Variants in MTA3 observed in about 807,000 individuals in gnomAD.
The protein encoded by MTA3 is metastasis-associated protein MTA3.
A neutral mutation model predicts 83.5 loss-of-function variants in MTA3; 34 were observed. That is an observed-to-expected ratio of 0.41 (90% CI 0.31 to 0.54). The LOEUF (loss-of-function observed/expected upper bound fraction) is 0.54, where lower values mean the gene tolerates loss of function less well. Among genes scored for constraint, MTA3 ranks in the 20% least tolerant of loss-of-function variants. The pLI is 0.33. For synonymous variants in MTA3, 303 were observed against 252.7 expected (o/e 1.20, Z -1.89); for missense variants, 761 against 726.4 (o/e 1.05, Z -0.55).
At chr2:42,649,265 C>T (rs1034058891) in intron 6 of MTA3, among the ~76,000 whole-genome samples, 2 of 151,950 alleles carry the variant, frequency 1.3e-5, no homozygotes, top group African/African-American at 2.4e-5. Context: ...AGTGTGGTGG[C>T]GGGTGCCTGT....
At chr2:42,515,521 G>T (rs188086141) in intron 2 of MTA3, among the ~76,000 whole-genome samples, 49 of 151,436 alleles carry the variant, frequency 3.2e-4, no homozygotes, top group Admixed American at 3.2e-3. Flanking sequence ...TTATTTTTTT[G>T]AGATGGATTC....
chr2:42,594,728 A>ATATATATATATATATATATATATATTTT, intron 3 of MTA3, among the ~76,000 whole-genome samples: 2 of 24,044 alleles, frequency 8.3e-5, no homozygotes, highest in Admixed American at 8.8e-4. Flanking sequence ...ATATATATAT[A>ATATATATATATATATATATATATATTTT]TTTTTTTTTT....
chr2:42,510,478 C>T (rs1232049796), intron 2 of MTA3, among the ~76,000 whole-genome samples: 1 of 152,106 alleles, frequency 6.6e-6, no homozygotes, highest in East Asian at 1.9e-4. Context: ...CCTTCTGTCC[C>T]TGGAGGAAGG....
chr2:42,596,889 TCTAA>T (rs1681850821), intron 3 of MTA3, among the ~76,000 whole-genome samples: 1 of 152,110 alleles, frequency 6.6e-6, no homozygotes, highest in Non-Finnish European at 1.5e-5. Flanking sequence ...AAGTAGCTAA[TCTAA>T]AATTTTCCAC....
intron 2 of MTA3, among the ~76,000 whole-genome samples, chr2:42,518,832 G>T (rs1174490843): frequency 6.6e-6 from 1 of 152,044 alleles, no homozygotes; most frequent in Non-Finnish European, 1.5e-5. Flanking sequence ...CAGGCATGGT[G>T]GGGCGAGCCT....
rs1413344612 is a variant in MTA3, at chr2:42,568,732, G to T, written c.-14G>T. ...GCGGGGCTCGGCTCGGGCTCCGCGG[G>T]CGGGCGGGCGGACATGGCGGCCAAC... On this transcript the variant is annotated 5_prime_UTR_variant, in exon 1 of 17. Transcript: ENST00000405094. The T allele has an allele frequency of 1.6e-6, 2 of 1,215,368 alleles. No homozygotes were observed. The highest frequency in any genetic ancestry group is 1.0e-6 in the Non-Finnish European group (1 of 978,354). 75.3% of individuals were successfully genotyped at this position (1,215,368 alleles called of 1,614,324 possible).
At chr2:42,615,682 A>G (rs1177787813) in intron 4 of MTA3, among the ~76,000 whole-genome samples, 1 of 143,344 alleles carries the variant, frequency 7.0e-6, no homozygotes, top group Admixed American at 7.1e-5. Flanking sequence ...TAAGGAAATA[A>G]GTCACCACAG....
At chr2:42,560,045 T>A (rs1331773566) in intron 2 of MTA3, among the ~76,000 whole-genome samples, 2 of 152,104 alleles carry the variant, frequency 1.3e-5, no homozygotes, top group African/African-American at 4.8e-5. Context: ...GCAGTCCAAG[T>A]GATTTTTTTT....
At chr2:42,752,458 A>C (rs547992229) in intron 16 of MTA3, among the ~76,000 whole-genome samples, 1 of 152,288 alleles carries the variant, frequency 6.6e-6, no homozygotes, top group Non-Finnish European at 1.5e-5. Flanking sequence ...ACTTTCTAAT[A>C]CAACACGGTG....
intron 8 of MTA3, among the ~76,000 whole-genome samples, chr2:42,672,708 G>A (rs1690936664): frequency 6.8e-6 from 1 of 146,806 alleles, no homozygotes; most frequent in Non-Finnish European, 1.5e-5. Flanking sequence ...ACAAGAACAT[G>A]ACTCAGGGTG....
At chr2:42,677,258 G>T (rs1272997029) in intron 8 of MTA3, among the ~76,000 whole-genome samples, 6 of 152,132 alleles carry the variant, frequency 3.9e-5, no homozygotes, top group Non-Finnish European at 8.8e-5. Context: ...GACCACCGGG[G>T]GAGATAATTG....
At chr2:42,579,618 A>G (rs1340258605) in intron 3 of MTA3, among the ~76,000 whole-genome samples, 1 of 151,622 alleles carries the variant, frequency 6.6e-6, no homozygotes, top group Non-Finnish European at 1.5e-5. Context: ...AGGTTGTATC[A>G]CATTCATTAA....
chr2:42,660,561 A>G (rs550740506), intron 8 of MTA3, among the ~76,000 whole-genome samples: 2 of 152,324 alleles, frequency 1.3e-5, no homozygotes, highest in East Asian at 3.9e-4. Flanking sequence ...TGCACTCCAG[A>G]AAAGTGGACC....
intron 16 of MTA3, among the ~76,000 whole-genome samples, chr2:42,743,983 G>A (rs950777421): frequency 1.6e-4 from 25 of 152,204 alleles, no homozygotes; most frequent in African/African-American, 5.8e-4. Context: ...GGAAGAACTT[G>A]AGTGTCCCTA....
intron 2 of MTA3, among the ~76,000 whole-genome samples, chr2:42,519,596 ACT>A (rs1187940108): frequency 1.4e-5 from 2 of 145,634 alleles, no homozygotes; most frequent in East Asian, 4.1e-4. Flanking sequence ...ACAGAGTGAG[ACT>A]CTGTCTCAAA....
At chr2:42,520,719 C>G (rs917039053) in intron 2 of MTA3, among the ~76,000 whole-genome samples, 1 of 152,054 alleles carries the variant, frequency 6.6e-6, no homozygotes, top group Non-Finnish European at 1.5e-5. Context: ...GTGTGCACCA[C>G]CACACCGGGC....
chr2:42,672,494 A>G (rs1256486674), intron 8 of MTA3, among the ~76,000 whole-genome samples: 1 of 151,598 alleles, frequency 6.6e-6, no homozygotes, highest in Non-Finnish European at 1.5e-5. Flanking sequence ...AATACAAAAA[A>G]ATTAGCTGAG....
chr2:42,547,930 G>C (rs1277364003), intron 2 of MTA3, among the ~76,000 whole-genome samples: 2 of 152,128 alleles, frequency 1.3e-5, no homozygotes, highest in African/African-American at 2.4e-5. Context: ...TATTAAGCTA[G>C]GTTGCAGTTC....
intron 2 of MTA3, among the ~76,000 whole-genome samples, chr2:42,561,351 C>A (rs1677665658): frequency 1.3e-5 from 2 of 150,050 alleles, no homozygotes; most frequent in African/African-American, 4.9e-5. Flanking sequence ...TAGATGGAAT[C>A]TCGCTCTGTT....
Sources: gnomAD v4.1 joint callset for allele counts (sites outside exome capture counted in the v4.1 genomes callset) on GRCh38, gnomAD v4.1.1 for gene constraint, MANE v1.5 for transcripts, NCBI Gene and HGNC (gene_info 2026-07-23, HGNC 2026-07-21) for gene names.